Variants in STRN observed in about 807,000 individuals in gnomAD.
STRN encodes striatin.
In STRN, 53 loss-of-function variants were observed where a neutral mutation model predicts 96.3. That is an observed-to-expected ratio of 0.55 (90% CI 0.44 to 0.69). The LOEUF is 0.69. Ranked by LOEUF, STRN falls within the 30% of genes least tolerant of loss-of-function variation. STRN has a pLI of 0.00. For missense variants in STRN, 987 were observed against 963.9 expected, an observed-to-expected ratio of 1.02 and a Z score of -0.32; for synonymous variants, 428 against 355.9, an observed-to-expected ratio of 1.20 and a Z score of -2.28.
At chr2:36,886,224 T>G (rs889814199) in intron 8 of STRN, among the ~76,000 whole-genome samples, 3 of 152,160 alleles carry the variant, frequency 2.0e-5, no homozygotes, top group East Asian at 1.9e-4. Context: ...CTGTGCCCTG[T>G]ATAGCATATA....
At chr2:36,855,583 C>A (rs73924921) in intron 14 of STRN, among the ~76,000 whole-genome samples, 1 of 152,248 alleles carries the variant, frequency 6.6e-6, no homozygotes, top group African/African-American at 2.4e-5. Flanking sequence ...TGTTACTCAA[C>A]TGATATATTC....
Position 36,867,802 on chromosome 2 carries a change from A to G in STRN, c.1547+12T>C, listed in dbSNP as rs2540923. ...GATATCGGTTTAAAATAAAGAAAAA[A>G]CATATACTTACTTATGGGCTCTGAA... On this transcript the variant is annotated intron_variant, in intron 12 of 17. Transcript: ENST00000263918. 1,491,935 of 1,532,196 alleles carry G rather than the reference A, an allele frequency of 0.97. 728,805 individuals carry two copies. The highest frequency in any genetic ancestry group is 1 in the East Asian group (42,103 of 42,128). 94.9% of individuals were successfully genotyped at this position (1,532,196 alleles called of 1,614,324 possible).
In STRN at chr2:36,867,879, G is replaced by T; in HGVS notation, c.1500-18C>A. 1 of 1,574,296 alleles carries T rather than the reference G, an allele frequency of 6.4e-7. No individual in the cohort carries two copies. Among genetic ancestry groups the T allele is most frequent in the South Asian group, 1.2e-5 (1 of 84,330 alleles). On this transcript the variant is annotated intron_variant, in intron 11 of 17. Coordinates refer to ENST00000263918, the MANE Select transcript of STRN (RefSeq NM_003162.4). ...AAGTGCTCCTAAATCAGAGAGAGATGACTTTACCATTCTAAGTGTCAGTAA... is the reference window on the plus strand; with the variant it reads ...AAGTGCTCCTAAATCAGAGAGAGATTACTTTACCATTCTAAGTGTCAGTAA...
intron 14 of STRN, among the ~76,000 whole-genome samples, chr2:36,856,505 T>C (rs1668345099): frequency 6.6e-6 from 1 of 152,168 alleles, no homozygotes; most frequent in Non-Finnish European, 1.5e-5. Context: ...CAAAACATTA[T>C]AATGAAGAAT....
chr2:36,902,433 T>C (rs1424247488), intron 5 of STRN, 151 bp downstream of exon 5: 1 of 480,256 alleles, frequency 2.1e-6, no homozygotes, highest in East Asian at 3.6e-5. Context: ...CCAATCCTTG[T>C]TACCTTCTAA....
chr2:36,877,093 G>A (rs1027713430), intron 10 of STRN, among the ~76,000 whole-genome samples: 6 of 152,156 alleles, frequency 3.9e-5, no homozygotes, highest in Admixed American at 6.5e-5. Flanking sequence ...TTAAGTAAAT[G>A]TATGCCCAAA....
intron 3 of STRN, among the ~76,000 whole-genome samples, chr2:36,915,807 T>C (rs1670082206): frequency 6.6e-6 from 1 of 152,192 alleles, no homozygotes; most frequent in Non-Finnish European, 1.5e-5. Flanking sequence ...AAGGTTATGC[T>C]GGTGCATGTT....
rs541818533 is a variant in STRN, at chr2:36,911,185, T to C, written c.412+4893A>G. The stretch of plus-strand genomic sequence containing the variant: ...ATGTTTCTGCCACCAAACTTCTACA[T>C]CATCTTGAGTGAAATCAATATGCAT... On this transcript the variant is annotated intron_variant, in intron 3 of 17. Transcript: ENST00000263918. Among the ~76,000 whole-genome samples the C allele has an allele frequency of 5.9e-5, 9 of 152,292 alleles. No individual in the cohort carries two copies. In the South Asian group the frequency reaches 1.9e-3, roughly 32 times the overall value.
intron 9 of STRN, among the ~76,000 whole-genome samples, chr2:36,881,436 C>A (rs68011379): frequency 0.013 from 1,924 of 152,070 alleles, 11 homozygotes; most frequent in Non-Finnish European, 0.02. Context: ...CCCGGCCCTG[C>A]CTTCTGAATT....
intron 12 of STRN, among the ~76,000 whole-genome samples, chr2:36,865,560 T>G (rs1668599592): frequency 6.6e-6 from 1 of 152,074 alleles, no homozygotes; most frequent in Non-Finnish European, 1.5e-5. Flanking sequence ...AGTTGTTAAT[T>G]TGAGATCTAA....
intron 13 of STRN, among the ~76,000 whole-genome samples, chr2:36,858,487 C>T (rs756083683): frequency 1.3e-5 from 2 of 152,152 alleles, no homozygotes; most frequent in Non-Finnish European, 2.9e-5. Flanking sequence ...GGCAGTTTTT[C>T]CTGAAAATAT....
intron 1 of STRN, among the ~76,000 whole-genome samples, chr2:36,928,639 G>A (rs564821407): frequency 6.8e-6 from 1 of 146,182 alleles, no homozygotes; most frequent in Non-Finnish European, 1.5e-5. Flanking sequence ...GCGACACAGT[G>A]AGACTCCATC....
chr2:36,938,279 A>T lies in STRN; in HGVS notation c.235-13071T>A, dbSNP rs201877284. ...CGCCTCTACTAAAAGCACAAAAATT[A>T]GCCAGGTGTGGTGATGTACACCTGT... On this transcript the variant is annotated intron_variant, in intron 1 of 17. Coordinates refer to ENST00000263918, the MANE Select transcript of STRN (RefSeq NM_003162.4). Among the ~76,000 whole-genome samples, 9 of 152,262 alleles carry T rather than the reference A, an allele frequency of 5.9e-5. No homozygotes were observed. The East Asian group carries it at 1.4e-3, about 23-fold the overall frequency.
intron 1 of STRN, among the ~76,000 whole-genome samples, chr2:36,946,138 G>C (rs1320775072): frequency 2.0e-5 from 3 of 151,220 alleles, no homozygotes; most frequent in African/African-American, 7.3e-5. Flanking sequence ...ATTTCCAGTT[G>C]ATTTTTTTCT....
Position 36,955,997 on chromosome 2 carries a change from C to G in STRN, c.234+10233G>C, listed in dbSNP as rs543481472. ...CCTGCTTTTTCACTGCAACCTGCCA[C>G]ACGAGGTCAGGTATGGATTTTTCCA... On this transcript the variant is annotated intron_variant, in intron 1 of 17. Transcript: ENST00000263918. Among the ~76,000 whole-genome samples the G allele has an allele frequency of 4.6e-5, 7 of 152,322 alleles. No homozygotes were observed. The East Asian group carries it at 1.3e-3, about 29-fold the overall frequency.
At chr2:36,904,461 T>C (rs1253053911) in intron 4 of STRN, among the ~76,000 whole-genome samples, 1 of 152,210 alleles carries the variant, frequency 6.6e-6, no homozygotes, top group East Asian at 1.9e-4. Flanking sequence ...GAGTCTAGTC[T>C]ACCTCTTGAT....
chr2:36,902,823 G>C, intron 4 of STRN, 72 bp from the exon 5 acceptor site: 1 of 1,278,430 alleles, frequency 7.8e-7, no homozygotes, highest in Admixed American at 2.3e-5. Context: ...GTAAATAAAA[G>C]TATTTATTTA....
chr2:36,842,109 A>T lies in STRN; in HGVS notation c.*7347T>A, dbSNP rs1426246006. ...AAGGGAAGTAGTTGGATGCCAGCAT[A>T]CTTTAACATTTCGGCACATATACAA... On this transcript the variant is annotated 3_prime_UTR_variant, in exon 18 of 18. Transcript: ENST00000263918. The T allele has an allele frequency of 6.6e-6, 1 of 152,222 alleles. No homozygotes were observed. The highest frequency in any genetic ancestry group is 2.4e-5 in the African/African-American group (1 of 41,458). 9.4% of individuals were successfully genotyped at this position (152,222 alleles called of 1,614,324 possible).
At chr2:36,931,617 G>A (rs1488032052) in intron 1 of STRN, among the ~76,000 whole-genome samples, 1 of 152,198 alleles carries the variant, frequency 6.6e-6, no homozygotes, top group African/African-American at 2.4e-5. Flanking sequence ...ACAAAACAGA[G>A]CTAACAATCC....
Sources: gnomAD v4.1 joint callset for allele counts (sites outside exome capture counted in the v4.1 genomes callset) on GRCh38, gnomAD v4.1.1 for gene constraint, MANE v1.5 for transcripts, NCBI Gene and HGNC (gene_info 2026-07-23, HGNC 2026-07-21) for gene names.